DCTN4: variants seen among roughly 807,000 people sequenced by gnomAD.
DCTN4 encodes dynactin subunit 4.
In DCTN4, 23 loss-of-function variants were observed where a neutral mutation model predicts 62.7. The ratio of observed to expected loss-of-function variants is 0.37; its 90% CI spans 0.26 to 0.52. DCTN4 has a LOEUF of 0.52. Ranked by LOEUF, DCTN4 falls within the 20% of genes least tolerant of loss-of-function variation. The pLI, the probability that DCTN4 is intolerant of heterozygous loss-of-function variation, is 0.92. For missense variants in DCTN4, 514 were observed against 580.4 expected (o/e 0.89, Z 1.18); for synonymous variants, 199 against 202.1 (o/e 0.98, Z 0.13).
At chr5:150,725,770 A>G (rs1010225200) in intron 8 of DCTN4, among the ~76,000 whole-genome samples, 1 of 152,252 alleles carries the variant, frequency 6.6e-6, no homozygotes, top group Non-Finnish European at 1.5e-5. Context: ...CAGCAAGAGA[A>G]AGCATAGGGA....
At chr5:150,717,243 T>C (rs1406512087) in intron 11 of DCTN4, among the ~76,000 whole-genome samples, 1 of 152,106 alleles carries the variant, frequency 6.6e-6, no homozygotes, top group African/African-American at 2.4e-5. Flanking sequence ...TCACCTACTT[T>C]AACATTTAGT....
chr5:150,758,833 T>C (rs773336326), intron 1 of DCTN4, 26 bp downstream of exon 1: 1 of 1,598,968 alleles, frequency 6.3e-7, no homozygotes. Flanking sequence ...CCACCCCACA[T>C]ACTCGCTATA....
intron 4 of DCTN4, 149 bp downstream of exon 4, chr5:150,741,965 T>C: frequency 1.4e-6 from 1 of 727,832 alleles, no homozygotes; most frequent in Non-Finnish European, 2.5e-6. Context: ...TGTATTTCAA[T>C]GTCTTACAAT....
At chr5:150,717,438 G>A (rs757045886) in intron 11 of DCTN4, among the ~76,000 whole-genome samples, 62 of 152,006 alleles carry the variant, frequency 4.1e-4, no homozygotes, top group African/African-American at 1.4e-3. Context: ...TAGTAGAGAC[G>A]GGTTTCACCA....
intron 9 of DCTN4, among the ~76,000 whole-genome samples, chr5:150,722,066 T>C (rs1317106331): frequency 6.6e-6 from 1 of 152,224 alleles, no homozygotes; most frequent in Non-Finnish European, 1.5e-5. Context: ...GCTCAAGTGA[T>C]CCTCCTGACT....
At chr5:150,722,868 C>G in intron 9 of DCTN4, 39 bp downstream of exon 9, 1 of 1,543,754 alleles carries the variant, frequency 6.5e-7, no homozygotes, top group Non-Finnish European at 8.9e-7. Context: ...CAAAATAACT[C>G]AAAACAGTAA....
chr5:150,742,036 C>A, intron 4 of DCTN4, 78 bp downstream of exon 4: 1 of 1,211,796 alleles, frequency 8.3e-7, no homozygotes, highest in African/African-American at 1.5e-5. Context: ...TCATATCTAC[C>A]CATAAAATGC....
At chr5:150,745,382 C>T (rs1156785221) in intron 3 of DCTN4, among the ~76,000 whole-genome samples, 4 of 151,700 alleles carry the variant, frequency 2.6e-5, no homozygotes, top group Admixed American at 6.6e-5. Flanking sequence ...GACAGATCAA[C>T]GAGACAGAAA....
intron 6 of DCTN4, 105 bp from the exon 7 acceptor site, chr5:150,731,261 G>C (rs1760354453): frequency 1.0e-6 from 1 of 987,144 alleles, no homozygotes; most frequent in African/African-American, 1.6e-5. Flanking sequence ...GTATTCCTCT[G>C]TCATAGAATA....
chr5:150,718,143 T>A (rs1246636874), intron 11 of DCTN4, 133 bp downstream of exon 11: 3 of 581,292 alleles, frequency 5.2e-6, no homozygotes, highest in South Asian at 2.5e-5. Flanking sequence ...AGTAAAAAAA[T>A]TTAGGAGGTG....
intron 4 of DCTN4, among the ~76,000 whole-genome samples, chr5:150,737,130 G>A (rs528607754): frequency 4.6e-5 from 7 of 151,954 alleles, no homozygotes; most frequent in Admixed American, 1.3e-4. Flanking sequence ...TTACTACTAC[G>A]CCTAAGAAAT....
chr5:150,758,011 C>T (rs1161450010), intron 1 of DCTN4: 1 of 911,498 alleles, frequency 1.1e-6, no homozygotes, highest in African/African-American at 1.8e-5. Flanking sequence ...ACATAAAGCA[C>T]ATGACATATA....
rs1760368395 is a variant in DCTN4, at chr5:150,731,495, C to T, written c.538-6G>A. On this transcript the variant is annotated splice_region_variant and splice_polypyrimidine_tract_variant and intron_variant, in intron 5 of 12. Transcript: ENST00000447998. ...GTTCCAAGACCATATTTGTCCTAAA[C>T]AAAGTTCAGAAATTCCTATTAGAAA... 1 of 1,611,624 alleles carries T rather than the reference C, an allele frequency of 6.2e-7. No homozygotes were observed. The highest frequency in any genetic ancestry group is 1.3e-5 in the African/African-American group (1 of 74,854).
chr5:150,726,027 C>A (rs1157302782), intron 8 of DCTN4, among the ~76,000 whole-genome samples: 1 of 151,780 alleles, frequency 6.6e-6, no homozygotes, highest in East Asian at 1.9e-4. Flanking sequence ...CTCAGCCTCC[C>A]AACAAACCTA....
At position 150,742,146 on chromosome 5, in the gene DCTN4, A is replaced by C; in HGVS notation, c.397T>G (p.Trp133Gly). The C allele has an allele frequency of 6.2e-7, 1 of 1,613,874 alleles. No individual in the cohort carries two copies. The highest frequency in any genetic ancestry group is 1.1e-5 in the South Asian group (1 of 91,074). ...GTGTGAGGATTTTCAGGTTCCTGCC[A>C]ACCGCCACTAGCTACAAAATAAAAG... ...MADKSVASGG[W>G]QEPENPHTQR... Residue 133 changes from tryptophan (W) to glycine (G), a missense_variant, in exon 4 of 13, where the codon TGG (tryptophan) becomes GGG (glycine). Transcript: ENST00000447998.
intron 7 of DCTN4, 140 bp downstream of exon 7, chr5:150,730,904 T>C (rs989002749): frequency 7.8e-6 from 6 of 770,038 alleles, no homozygotes; most frequent in African/African-American, 1.8e-5. Context: ...ATTACCTCTA[T>C]TACAGCTGTT....
At chr5:150,735,156 C>T (rs1258346622) in intron 4 of DCTN4, among the ~76,000 whole-genome samples, 1 of 152,204 alleles carries the variant, frequency 6.6e-6, no homozygotes, top group African/African-American at 2.4e-5. Flanking sequence ...GCTTGTATCC[C>T]CACCACACTA....
rs765468577 is a variant in DCTN4, at chr5:150,718,236, G to C, written c.1071+40C>G. On this transcript the variant is annotated intron_variant, in intron 11 of 12. Transcript: ENST00000447998. ...CCAGGTCAAATGAGGACACTCCAGG[G>C]AAAGTGCGGGTCAGTCAGGCTGAGG... 1.2e-4 allele frequency: 164 copies of C among 1,401,726 alleles called. 1 individual carries two copies. Among genetic ancestry groups the C allele is most frequent in the Non-Finnish European group, 1.2e-4 (117 of 992,642 alleles). 86.8% of individuals were successfully genotyped at this position (1,401,726 alleles called of 1,614,324 possible). A position where few individuals can be genotyped will look rare whatever the true frequency, so the allele number is the denominator to read the frequency against.
At chr5:150,737,668 TAA>T (rs900779736) in intron 4 of DCTN4, among the ~76,000 whole-genome samples, 1 of 151,856 alleles carries the variant, frequency 6.6e-6, no homozygotes, top group Non-Finnish European at 1.5e-5. Flanking sequence ...TCAAAAAGTC[TAA>T]AAGAGTACAG....
Sources: allele counts gnomAD v4.1 joint callset (sites outside exome capture counted in the v4.1 genomes callset), GRCh38; gene constraint gnomAD v4.1.1; transcripts MANE v1.5; gene names NCBI Gene and HGNC (gene_info 2026-07-23, HGNC 2026-07-21).